Variants in PPP6R2 observed in about 807,000 individuals in gnomAD.
PPP6R2 encodes protein phosphatase 6 regulatory subunit 2.
PPP6R2 carries 62 observed loss-of-function variants against 100.2 expected under a neutral mutation model. The ratio of observed to expected loss-of-function variants is 0.62; its 90% CI spans 0.50 to 0.76. The LOEUF (loss-of-function observed/expected upper bound fraction) is 0.76. Among genes scored for constraint, PPP6R2 ranks in the 30% least tolerant of loss-of-function variants. PPP6R2 has a pLI of 0.00. For synonymous variants in PPP6R2, 525 were observed against 514.7 expected, an observed-to-expected ratio of 1.02 and a Z score of -0.27; for missense variants, 1,142 against 1,276.3, an observed-to-expected ratio of 0.89 and a Z score of 1.60.
intron 1 of PPP6R2, among the ~76,000 whole-genome samples, chr22:50,356,592 G>A (rs1410933212): frequency 6.6e-6 from 1 of 152,112 alleles, no homozygotes; most frequent in Middle Eastern, 3.2e-3. Flanking sequence ...AACAGGAGTA[G>A]AAGTGCTGGG....
At position 50,439,843 on chromosome 22, in the gene PPP6R2, C is replaced by T; in HGVS notation, c.2271C>T (p.Phe757=). 2 of 1,613,168 alleles carry T rather than the reference C, an allele frequency of 1.2e-6. No homozygotes were observed. Among genetic ancestry groups the T allele is most frequent in the Non-Finnish European group, 1.7e-6 (2 of 1,179,526 alleles). ...AAGGCTGGGCCAAGTTCACTGACTT[C>T]CAACCTTTCTGCTGGTAACAAATGC... The part of the protein sequence containing the change: ...EEKGWAKFTD[F]QPFCCSESGP... The change falls in exon 20 of 24, where the codon TTC becomes TTT. Residue 757 remains phenylalanine, a synonymous_variant. Coordinates refer to ENST00000612753, the MANE Select transcript of PPP6R2 (RefSeq NM_001242898.2).
Position 50,444,544 on chromosome 22 carries a change from G to A in PPP6R2, c.*297G>A. ...GGAGCCGGGGTGGGGGTGGGGGTGG[G>A]GGGGGCAGGACCCTGAGATGCCACC... On this transcript the variant is annotated 3_prime_UTR_variant, in exon 24 of 24. Coordinates refer to ENST00000612753, the MANE Select transcript of PPP6R2 (RefSeq NM_001242898.2). 1 of 369,288 alleles carries A rather than the reference G, an allele frequency of 2.7e-6. No homozygotes were observed. Among genetic ancestry groups the A allele is most frequent in the Admixed American group, 4.6e-5 (1 of 21,688 alleles). 22.9% of individuals were successfully genotyped at this position (369,288 alleles called of 1,614,324 possible).
At chr22:50,442,595 G>A (rs1046511995) in intron 22 of PPP6R2, among the ~76,000 whole-genome samples, 9 of 152,092 alleles carry the variant, frequency 5.9e-5, no homozygotes, top group Admixed American at 1.3e-4. Flanking sequence ...TGTTGCCCAG[G>A]CTGGAGTGCA....
At position 50,444,410 on chromosome 22, in the gene PPP6R2, C is replaced by G; in HGVS notation, c.*163C>G. ...GAAACCAGTTGGACGGCCCAGCTTGCGTCTCTTCTGCCTGAGTGGGCCTCT... is the reference window on the plus strand; with the variant it reads ...GAAACCAGTTGGACGGCCCAGCTTGGGTCTCTTCTGCCTGAGTGGGCCTCT... On this transcript the variant is annotated 3_prime_UTR_variant, in exon 24 of 24. Transcript: ENST00000612753. 1.0e-6 allele frequency: 1 copy of G among 952,800 alleles called. No individual in the cohort carries two copies. Among genetic ancestry groups the G allele is most frequent in the Non-Finnish European group, 1.5e-6 (1 of 646,362 alleles). 59.0% of individuals were successfully genotyped at this position (952,800 alleles called of 1,614,324 possible). A position where few individuals can be genotyped will look rare whatever the true frequency, so the allele number is the denominator to read the frequency against.
At chr22:50,335,886 C>T in the PPP6R2 span, among the ~76,000 whole-genome samples, 111 of 144,450 alleles carry the variant, frequency 7.7e-4, 18 homozygotes, top group African/African-American at 2.7e-3. Flanking sequence ...CCATGTGGGC[C>T]GGGCTGGTCT....
intron 1 of PPP6R2, among the ~76,000 whole-genome samples, chr22:50,356,882 C>T (rs1374224793): frequency 6.6e-6 from 1 of 151,384 alleles, no homozygotes; most frequent in Non-Finnish European, 1.5e-5. Flanking sequence ...TGCAGTGAGG[C>T]AAGATCGTGC....
At chr22:50,354,781 CAGTG>C (rs1346363735) in intron 1 of PPP6R2, among the ~76,000 whole-genome samples, 1 of 151,812 alleles carries the variant, frequency 6.6e-6, no homozygotes, top group Non-Finnish European at 1.5e-5. Flanking sequence ...GCCTGGATGA[CAGTG>C]AGACTCTCTC....
At chr22:50,373,130 A>G (rs963081683) in intron 2 of PPP6R2, among the ~76,000 whole-genome samples, 4 of 152,172 alleles carry the variant, frequency 2.6e-5, no homozygotes, top group Non-Finnish European at 5.9e-5. Flanking sequence ...GCAGAAAATG[A>G]AAAGGGGAGG....
intron 2 of PPP6R2, among the ~76,000 whole-genome samples, chr22:50,389,953 C>G (rs527677669): frequency 1.2e-4 from 18 of 150,592 alleles, no homozygotes; most frequent in African/African-American, 3.9e-4. Context: ...TAGAAATGTT[C>G]TTGTTATGCG....
the PPP6R2 span, among the ~76,000 whole-genome samples, chr22:50,334,944 CTG>C: frequency 7.4e-4 from 112 of 152,016 alleles, 1 homozygote; most frequent in Admixed American, 1.4e-3. Context: ...GAGTGAGACT[CTG>C]TGTCAAAAAA....
chr22:50,395,020 A>G (rs2056482517), intron 3 of PPP6R2, among the ~76,000 whole-genome samples: 1 of 151,910 alleles, frequency 6.6e-6, no homozygotes, highest in African/African-American at 2.4e-5. Context: ...TTGAGTGGCA[A>G]TATGTTGGGA....
At chr22:50,403,871 G>T (rs1371394045) in intron 3 of PPP6R2, among the ~76,000 whole-genome samples, 2 of 152,034 alleles carry the variant, frequency 1.3e-5, no homozygotes, top group African/African-American at 4.8e-5. Flanking sequence ...ACACTTGGTC[G>T]GCTGCCAGGC....
chr22:50,431,294 G>T lies in PPP6R2; in HGVS notation c.1247G>T (p.Arg416Met). The change falls in exon 11 of 24, where the codon AGG becomes ATG. Residue 416 changes from arginine (R) to methionine (M), a missense_variant. By Grantham distance (91) the Arg-to-Met change is moderately conservative (BLOSUM62 -1). Coordinates refer to ENST00000612753, the MANE Select transcript of PPP6R2 (RefSeq NM_001242898.2). The surrounding 1 kb of genome is among the most constrained non-coding windows in gnomAD (Gnocchi z 4.8). ...ERTEASGSES[R>M]VEPPHENGNR... is the part of the protein sequence containing the mutation. ...ACAGAAGCCAGCGGATCCGAGAGCA[G>T]GGTGGAGCCTCCGCATGAGAACGGG... is the stretch of plus-strand genomic sequence containing the variant. 7.4e-6 allele frequency: 12 copies of T among 1,613,498 alleles called. No homozygotes were observed. The highest frequency in any genetic ancestry group is 1.0e-5 in the Non-Finnish European group (12 of 1,180,032).
the PPP6R2 span, among the ~76,000 whole-genome samples, chr22:50,334,361 C>T: frequency 3.3e-5 from 5 of 152,226 alleles, no homozygotes; most frequent in South Asian, 2.1e-4. Context: ...CACTTCTCAC[C>T]GTGTCCCTTC....
intron 6 of PPP6R2, among the ~76,000 whole-genome samples, chr22:50,416,893 T>C (rs1328090823): frequency 6.6e-6 from 1 of 150,696 alleles, no homozygotes; most frequent in Non-Finnish European, 1.5e-5. Context: ...GAAGGGGAGC[T>C]TGCAGTGAGC....
In PPP6R2 at chr22:50,419,413, G is replaced by A. The variant is rs137973527; in HGVS notation, c.796G>A (p.Val266Ile). Reference sequence around the variant, plus strand: ...TGGAGACCGGACGGAGAGCTGCCTCGTCAGTGGGACTCAGGTGTTACTCAC... The same window carrying A: ...TGGAGACCGGACGGAGAGCTGCCTCATCAGTGGGACTCAGGTGTTACTCAC... ...FDGDRTESCL[V>I]SGTQVLLTLL... Residue 266 changes from valine to isoleucine, a missense_variant, in exon 8 of 24, where the codon GTC becomes ATC. Coordinates refer to ENST00000612753, the MANE Select transcript of PPP6R2 (RefSeq NM_001242898.2). 1.9e-4 allele frequency: 300 copies of A among 1,614,218 alleles called. No homozygotes were observed. The highest frequency in any genetic ancestry group is 2.3e-4 in the Non-Finnish European group (272 of 1,180,046).
At position 50,395,993 on chromosome 22, in the gene PPP6R2, G is replaced by A. The variant is rs111956622; in HGVS notation, c.227+1858G>A. Among the ~76,000 whole-genome samples the A allele has an allele frequency of 4.0e-3, 595 of 149,516 alleles. 8 individuals are homozygous for A. The highest frequency in any genetic ancestry group is 0.014 in the African/African-American group (560 of 40,858). Reference sequence around the variant, plus strand: ...GCGGATCACCTCAGGTCAGGAGTTCGAAACCAGCCTGGCCAACATGGTGAA... The same window carrying A: ...GCGGATCACCTCAGGTCAGGAGTTCAAAACCAGCCTGGCCAACATGGTGAA... On this transcript the variant is annotated intron_variant, in intron 3 of 23. Transcript: ENST00000612753.
At chr22:50,442,932 A>T (rs1035233116) in intron 22 of PPP6R2, among the ~76,000 whole-genome samples, 58 of 151,544 alleles carry the variant, frequency 3.8e-4, no homozygotes, top group Admixed American at 2.8e-3. Flanking sequence ...TGGGAGGCCG[A>T]GGTGGGTGGA....
intron 2 of PPP6R2, among the ~76,000 whole-genome samples, chr22:50,385,382 A>G (rs2053992675): frequency 6.6e-6 from 1 of 151,554 alleles, no homozygotes; most frequent in Non-Finnish European, 1.5e-5. Context: ...TATTTTTAGT[A>G]GAGACAGAGT....
Sources: allele counts gnomAD v4.1 joint callset (sites outside exome capture counted in the v4.1 genomes callset), GRCh38; gene constraint gnomAD v4.1.1; non-coding constraint Gnocchi (gnomAD v3.1); transcripts MANE v1.5; gene names NCBI Gene and HGNC (gene_info 2026-07-23, HGNC 2026-07-21).